ANGPTL6: variants seen among roughly 807,000 people sequenced by gnomAD.
ANGPTL6 encodes the protein angiopoietin like 6, also known as angiopoietin-related protein 6.
ANGPTL6 carries 45 observed loss-of-function variants against 47.4 expected under a neutral mutation model. The observed-to-expected ratio is 0.95, with a 90% CI of 0.75 to 1.22. The LOEUF (loss-of-function observed/expected upper bound fraction) is 1.22, where lower values mean the gene tolerates loss of function less well. Among genes scored for constraint, ANGPTL6 ranks in the 50% most tolerant of loss-of-function variants. The probability of loss-of-function intolerance (pLI) is 0.00; values close to 1 mark genes in which losing one functional copy is unlikely to be tolerated. For synonymous variants in ANGPTL6, 290 were observed against 295.9 expected (o/e 0.98, Z 0.20); for missense variants, 698 against 669.4 (o/e 1.04, Z -0.47).
Position 10,093,619 on chromosome 19 carries a change from C to G in ANGPTL6, c.952G>C (p.Ala318Pro). 4 of 1,613,380 alleles carry G rather than the reference C, an allele frequency of 2.5e-6. No homozygotes were observed. The highest frequency in any genetic ancestry group is 3.4e-6 in the Non-Finnish European group (4 of 1,179,428). The change falls in exon 5 of 6, where the codon GCG becomes CCG. Residue 318 changes from alanine (A) to proline (P), a missense_variant and splice_region_variant. By Grantham distance (27) the Ala-to-Pro change is conservative. Transcript: ENST00000253109. Reference sequence around the variant, plus strand: ...TCTCCGTCTGGCCGCCCAAAGCCCGCCTGGCAGGGCAGGAAAGTCAGGAAG... The same window carrying G: ...TCTCCGTCTGGCCGCCCAAAGCCCGGCTGGCAGGGCAGGAAAGTCAGGAAG... ...NFFTTWQHYK[A>P]GFGRPDGEYW...
chr19:10,094,173 G>A (rs1046149641), intron 3 of ANGPTL6, among the ~76,000 whole-genome samples: 4 of 151,484 alleles, frequency 2.6e-5, no homozygotes, highest in African/African-American at 9.7e-5. Flanking sequence ...TTGAGATGGA[G>A]TCTCGCTCTG....
chr19:10,099,721 C>G (rs1392205225), intron 1 of ANGPTL6, among the ~76,000 whole-genome samples: 1 of 151,880 alleles, frequency 6.6e-6, no homozygotes, highest in African/African-American at 2.4e-5. Context: ...TTGTTCACAA[C>G]TTAACATCAT....
At chr19:10,103,610 AAT>A (rs1381137710), upstream of ANGPTL6, among the ~76,000 whole-genome samples, 1 of 29,082 alleles carries the variant, frequency 3.4e-5, no homozygotes, top group East Asian at 4.5e-4. Flanking sequence ...TAAATAAATA[AAT>A]AAATAAATAA....
At chr19:10,099,198 G>A (rs2088617200) in intron 1 of ANGPTL6, among the ~76,000 whole-genome samples, 1 of 152,080 alleles carries the variant, frequency 6.6e-6, no homozygotes, top group Non-Finnish European at 1.5e-5. Flanking sequence ...ATCTGAGTCA[G>A]TTCACGTCCC....
rs200296130 is a variant in ANGPTL6, at chr19:10,093,460, C to A, written c.1111G>T (p.Asp371Tyr). 6.2e-7 allele frequency: 1 copy of A among 1,614,086 alleles called. No individual in the cohort carries two copies. Among genetic ancestry groups the A allele is most frequent in the East Asian group, 2.2e-5 (1 of 44,894 alleles). ...YDGFSLEPES[D>Y]HYRLRLGQYH... The stretch of plus-strand genomic sequence containing the variant: ...TGGCCAAGCCGCAGGCGGTAGTGGT[C>A]GCTCTCGGGTTCCAGGGAGAAGCCA... Residue 371 changes from aspartate (D) to tyrosine (Y), a missense_variant, in exon 5 of 6, where the codon GAC becomes TAC. Physicochemically the swap from Asp to Tyr is radical, Grantham distance 160 (BLOSUM62 -3). Coordinates refer to ENST00000253109, the MANE Select transcript of ANGPTL6 (RefSeq NM_031917.3).
intron 1 of ANGPTL6, among the ~76,000 whole-genome samples, chr19:10,100,391 G>A (rs1457855531): frequency 1.3e-5 from 2 of 152,078 alleles, no homozygotes; most frequent in Admixed American, 6.6e-5. Flanking sequence ...CTACAGGTGC[G>A]CACCACCATG....
chr19:10,098,560 C>T (rs1055906133), intron 1 of ANGPTL6, among the ~76,000 whole-genome samples: 2 of 152,066 alleles, frequency 1.3e-5, no homozygotes, highest in African/African-American at 4.8e-5. Context: ...TGCTGTGGCT[C>T]ATGTCTGTAA....
intron 1 of ANGPTL6, among the ~76,000 whole-genome samples, chr19:10,101,804 C>CAAAAA (rs1019332736): frequency 3.7e-5 from 2 of 54,104 alleles, no homozygotes; most frequent in African/African-American, 7.7e-5. Flanking sequence ...GAGCAAGGCT[C>CAAAAA]AAAAAAAAAA....
intron 3 of ANGPTL6, among the ~76,000 whole-genome samples, chr19:10,094,123 C>T (rs1201133575): frequency 1.3e-5 from 2 of 152,076 alleles, no homozygotes; most frequent in Non-Finnish European, 2.9e-5. Context: ...TCCCTTGTCT[C>T]TAATCAAAGG....
At chr19:10,093,051 C>T (rs2088432885) in intron 5 of ANGPTL6, 1 of 491,412 alleles carries the variant, frequency 2.0e-6, no homozygotes, top group African/African-American at 1.9e-5. Flanking sequence ...CCGTTCATTC[C>T]TTTATCAAAG....
In ANGPTL6 at chr19:10,096,029, C is replaced by A; in HGVS notation, c.535G>T (p.Ala179Ser). The A allele has an allele frequency of 1.4e-6, 2 of 1,387,992 alleles. No homozygotes were observed. Among genetic ancestry groups the A allele is most frequent in the Non-Finnish European group, 1.9e-6 (2 of 1,066,382 alleles). The allele number at this position is 1,387,992 out of a possible 1,614,324, so 86.0% of individuals were successfully genotyped here. A position where few individuals can be genotyped will look rare whatever the true frequency, so the allele number is the denominator to read the frequency against. Residue 179 changes from alanine (A) to serine (S), a missense_variant, in exon 2 of 6, where the codon GCC becomes TCC. Transcript: ENST00000253109. ...CCCGGGCACAGGCGCTCCAGGCGGG[C>A]GATGAGACTGCTCTGCTGGGTGACG... ...QLVTQQSSLI[A>S]RLERLCPGGA...
chr19:10,105,563 A>T (rs1259797144), upstream of ANGPTL6, among the ~76,000 whole-genome samples: 1 of 150,924 alleles, frequency 6.6e-6, no homozygotes, highest in Non-Finnish European at 1.5e-5. Context: ...GAAAGAGACA[A>T]CTGATGACAG....
Position 10,093,819 on chromosome 19 carries a change from T to G in ANGPTL6, c.825A>C (p.Glu275Asp), listed in dbSNP as rs2088460123. ...QAGHEQSGVY[E>D]LRVGRHVVSV... The stretch of plus-strand genomic sequence containing the variant: ...ACACTACGTGACGGCCCACTCGCAG[T>G]TCATACACTCCACTCTGTTCATGGC... The change falls in exon 4 of 6, where the codon GAA becomes GAC. Residue 275 changes from glutamate (E) to aspartate (D), a missense_variant. Transcript: ENST00000253109. The G allele has an allele frequency of 6.2e-7, 1 of 1,613,636 alleles. No individual in the cohort carries two copies. The highest frequency in any genetic ancestry group is 8.5e-7 in the Non-Finnish European group (1 of 1,180,044).
chr19:10,103,954 G>A (rs1223840013), upstream of ANGPTL6, among the ~76,000 whole-genome samples: 5 of 151,470 alleles, frequency 3.3e-5, no homozygotes, highest in African/African-American at 7.3e-5. Context: ...TTTGCCGGGT[G>A]TGGTGGCCCA....
chr19:10,094,438 G>A lies in ANGPTL6; in HGVS notation c.763+320C>T, dbSNP rs531926696. The A allele has an allele frequency of 1.4e-4, 49 of 346,966 alleles. No individual in the cohort carries two copies. The Admixed American group carries it at 1.8e-3, about 13-fold the overall frequency. 21.5% of individuals were successfully genotyped at this position (346,966 alleles called of 1,614,324 possible). A position where few individuals can be genotyped will look rare whatever the true frequency, so the allele number is the denominator to read the frequency against. On this transcript the variant is annotated intron_variant, in intron 3 of 5. Transcript: ENST00000253109. Reference sequence around the variant, plus strand: ...TGGGATTACAGGCATGAGCCATCGCGCCCGGCCAACTCTGGGGTTCTTAAA... The same window carrying A: ...TGGGATTACAGGCATGAGCCATCGCACCCGGCCAACTCTGGGGTTCTTAAA...
Position 10,093,402 on chromosome 19 carries a change from C to T in ANGPTL6, c.1169G>A (p.Trp390Ter). The part of the protein sequence containing the change: ...YHGDAGDSLS[W>*]HNDKPFSTVD... ...GGTGCTGAAGGGCTTGTCATTGTGCCAGGAAAGAGAGTCTCCAGCATCACC... is the reference window on the plus strand; with the variant it reads ...GGTGCTGAAGGGCTTGTCATTGTGCTAGGAAAGAGAGTCTCCAGCATCACC... Residue 390 changes from tryptophan to a stop codon, truncating the protein, a stop_gained, in exon 5 of 6, where the codon TGG (tryptophan) becomes TAG (stop). Coordinates refer to ENST00000253109, the MANE Select transcript of ANGPTL6 (RefSeq NM_031917.3). LOFTEE classifies it high-confidence loss of function. 6.2e-7 allele frequency: 1 copy of T among 1,614,162 alleles called. No homozygotes were observed. The highest frequency in any genetic ancestry group is 8.5e-7 in the Non-Finnish European group (1 of 1,180,020).
intron 1 of ANGPTL6, among the ~76,000 whole-genome samples, chr19:10,100,703 A>G (rs2088656872): frequency 6.6e-6 from 1 of 152,214 alleles, no homozygotes; most frequent in South Asian, 2.1e-4. Flanking sequence ...AACAGACAAA[A>G]TTCCTGCCCT....
intron 1 of ANGPTL6, among the ~76,000 whole-genome samples, chr19:10,102,201 T>C (rs2088698757): frequency 6.8e-6 from 1 of 146,846 alleles, no homozygotes; most frequent in African/African-American, 2.5e-5. Context: ...AGGTAAGAAG[T>C]GTCAGGGCAA....
At chr19:10,104,295 T>TG (rs2088761143), upstream of ANGPTL6, among the ~76,000 whole-genome samples, 1 of 94,930 alleles carries the variant, frequency 1.1e-5, no homozygotes, top group African/African-American at 4.6e-5. Context: ...TTTGGTGTTT[T>TG]TTTTGTTTTG....
Sources: allele counts gnomAD v4.1 joint callset (sites outside exome capture counted in the v4.1 genomes callset), GRCh38; gene constraint gnomAD v4.1.1; transcripts MANE v1.5; gene names NCBI Gene and HGNC (gene_info 2026-07-23, HGNC 2026-07-21).